Variants in KDM2B observed in about 807,000 individuals in gnomAD.
KDM2B encodes the protein lysine demethylase 2B.
In KDM2B, 26 loss-of-function variants were observed where a neutral mutation model predicts 150.0. The observed-to-expected ratio is 0.17, with a 90% CI of 0.13 to 0.24. KDM2B has a LOEUF of 0.24. Among genes scored for constraint, KDM2B ranks in the 10% least tolerant of loss-of-function variants. KDM2B has a pLI of 1.00. For synonymous variants in KDM2B, 734 were observed against 729.5 expected (o/e 1.01, Z -0.10); for missense variants, 1,265 against 1,816.9 (o/e 0.70, Z 5.52).
At chr12:121,546,569 T>TTTTG (rs1555310731) in intron 6 of KDM2B, among the ~76,000 whole-genome samples, 2 of 150,126 alleles carry the variant, frequency 1.3e-5, no homozygotes, top group Non-Finnish European at 3.0e-5. Context: ...GGTTTTTTTT[T>TTTTG]TTTGTTTGTT....
In KDM2B at chr12:121,513,299, T is replaced by C. The variant is rs201546499; in HGVS notation, c.1151A>G (p.Tyr384Cys). 1.4e-4 allele frequency: 221 copies of C among 1,613,564 alleles called. No individual in the cohort carries two copies. Among genetic ancestry groups the C allele is most frequent in the Non-Finnish European group, 1.7e-4 (200 of 1,179,880 alleles). The change falls in exon 10 of 23, where the codon TAC becomes TGC. Residue 384 changes from tyrosine to cysteine, a missense_variant. By Grantham distance (194) the Tyr-to-Cys change is radical (BLOSUM62 -2). This residue lies in a region of KDM2B where 154 missense variants were observed against 162.5 expected (regional missense o/e 0.95). Coordinates refer to ENST00000377071, the MANE Select transcript of KDM2B (RefSeq NM_032590.5). The surrounding 1 kb of genome is among the most constrained non-coding windows in gnomAD (Gnocchi z 5.0). ...VTQRSHLTQE[Y>C]QRESMLIDAP... ...ACCAATAAGCATCGACTCCCTCTGG[T>C]ATTCCTGAGTGAGGTGGGAGCGCTG...
At chr12:121,422,189 T>C in the KDM2B span, among the ~76,000 whole-genome samples, 1 of 152,360 alleles carries the variant, frequency 6.6e-6, no homozygotes, top group Admixed American at 6.5e-5. Context: ...ACAGCATGGT[T>C]TCCAGTGTCT....
chr12:121,505,457 A>C (rs1476147587), intron 11 of KDM2B, among the ~76,000 whole-genome samples: 1 of 152,118 alleles, frequency 6.6e-6, no homozygotes, highest in Non-Finnish European at 1.5e-5. Flanking sequence ...TGGGCAACAC[A>C]GCGAGACCTC....
Position 121,549,674 on chromosome 12 carries a change from G to A in KDM2B, c.398-36C>T, listed in dbSNP as rs143535443. ...AAGCCACACACTGGTTGTTCCTGCCGGCTTAAGGCTCCAGATCCTACATGG... is the reference window on the plus strand; with the variant it reads ...AAGCCACACACTGGTTGTTCCTGCCAGCTTAAGGCTCCAGATCCTACATGG... On this transcript the variant is annotated intron_variant, in intron 4 of 22. Coordinates refer to ENST00000377071, the MANE Select transcript of KDM2B (RefSeq NM_032590.5). This position sits in a 1 kb window ranked among gnomAD's most constrained non-coding sequence, Gnocchi z 4.4. The A allele has an allele frequency of 2.5e-3, 3,777 of 1,518,956 alleles. 6 individuals are homozygous for A. Among genetic ancestry groups the A allele is most frequent in the Non-Finnish European group, 3.0e-3 (3,398 of 1,124,722 alleles). 94.1% of individuals were successfully genotyped at this position (1,518,956 alleles called of 1,614,324 possible). A position where few individuals can be genotyped will look rare whatever the true frequency, so the allele number is the denominator to read the frequency against.
chr12:121,423,575 G>A, the KDM2B span: 11 of 1,612,084 alleles, frequency 6.8e-6, no homozygotes, highest in African/African-American at 4.0e-5. The surrounding 1 kb of genome is among the most constrained non-coding windows in gnomAD (Gnocchi z 4.3). Flanking sequence ...TTCAAGTCCT[G>A]AAACAGGCTC....
chr12:121,491,671 G>C (rs1883367937), intron 12 of KDM2B, among the ~76,000 whole-genome samples: 1 of 151,684 alleles, frequency 6.6e-6, no homozygotes. Flanking sequence ...GTACGCGCCT[G>C]TAATCCCAGC....
rs574056393 is a variant in KDM2B at position 121,442,710 on chromosome 12, G to T, written c.2731C>A (p.Arg911Ser). The change falls in exon 19 of 23, where the codon CGC becomes AGC. Residue 911 changes from arginine (R) to serine (S), a missense_variant. Transcript: ENST00000377071. The surrounding 1 kb of genome is among the most constrained non-coding windows in gnomAD (Gnocchi z 7.7). ...GGTCCCGCGGTGGGGGAGCTGGAGC[G>T]GGAGTGGTCGCTCTCCCTGGTCTTG... ...PPKTRESDHSRSSSPTAGPST... is the reference protein window; with the variant it reads ...PPKTRESDHSSSSSPTAGPST... 1 of 1,581,710 alleles carries T rather than the reference G, an allele frequency of 6.3e-7. No individual in the cohort carries two copies. The highest frequency in any genetic ancestry group is 8.6e-7 in the Non-Finnish European group (1 of 1,166,206).
chr12:121,555,404 G>A (rs536916392), intron 4 of KDM2B, among the ~76,000 whole-genome samples: 1 of 152,002 alleles, frequency 6.6e-6, no homozygotes, highest in African/African-American at 2.4e-5. Context: ...ACAGAGTCTC[G>A]CTCTGTCTCC....
intron 4 of KDM2B, among the ~76,000 whole-genome samples, chr12:121,555,308 T>C (rs1453730292): frequency 6.6e-6 from 1 of 152,236 alleles, no homozygotes; most frequent in East Asian, 1.9e-4. Context: ...CTTAAGACCC[T>C]GAAAATGTTA....
At chr12:121,482,653 A>C (rs1882288449) in intron 12 of KDM2B, among the ~76,000 whole-genome samples, 1 of 152,174 alleles carries the variant, frequency 6.6e-6, no homozygotes, top group Non-Finnish European at 1.5e-5. Flanking sequence ...GGACTGGGAC[A>C]CAGGAGTTAC....
In KDM2B at chr12:121,430,319, A is replaced by C. The variant is rs1453042015; in HGVS notation, c.3980T>G (p.Val1327Gly). The change falls in exon 23 of 23, where the codon GTA (valine) becomes GGA (glycine). Residue 1327 changes from valine to glycine, a missense_variant. Transcript: ENST00000377071. This position sits in a 1 kb window ranked among gnomAD's most constrained non-coding sequence, Gnocchi z 4.4. ...CAGTTTTTGCAGGAGTTTTTCTTCT[A>C]CTTGCCCAAACTGGACACTCACAGA... ...EMSVSVQFGQ[V>G]EEKLLQKLS The C allele has an allele frequency of 6.2e-7, 1 of 1,613,958 alleles. No individual in the cohort carries two copies. The highest frequency in any genetic ancestry group is 8.5e-7 in the Non-Finnish European group (1 of 1,180,024).
intron 4 of KDM2B, among the ~76,000 whole-genome samples, chr12:121,570,074 G>A (rs1890983784): frequency 6.6e-6 from 1 of 151,990 alleles, no homozygotes; most frequent in Admixed American, 6.6e-5. Context: ...GTTTGAGACA[G>A]AGTATTGCTC....
rs1872815945 is a variant in KDM2B at position 121,430,493 on chromosome 12, G to A, written c.3830-24C>T. 6.3e-7 allele frequency: 1 copy of A among 1,588,580 alleles called. No individual in the cohort carries two copies. The highest frequency in any genetic ancestry group is 8.6e-7 in the Non-Finnish European group (1 of 1,156,866). ...GTCTGCAGAGAAGAAATAGTAATGT[G>A]AGGTGTGAAGGCCAGGAGCCAGAAG... is the stretch of plus-strand genomic sequence containing the variant. On this transcript the variant is annotated intron_variant, in intron 22 of 22. Coordinates refer to ENST00000377071, the MANE Select transcript of KDM2B (RefSeq NM_032590.5). This position sits in a 1 kb window ranked among gnomAD's most constrained non-coding sequence, Gnocchi z 4.4.
chr12:121,539,285 G>A (rs1245789689), intron 6 of KDM2B, among the ~76,000 whole-genome samples: 10 of 127,044 alleles, frequency 7.9e-5, no homozygotes, highest in South Asian at 2.5e-4. Flanking sequence ...TCACGACTGC[G>A]CCACTGCACT....
chr12:121,441,039 A>T (rs1555288081), intron 20 of KDM2B, 31 bp downstream of exon 20: 1 of 1,613,294 alleles, frequency 6.2e-7, no homozygotes, highest in Non-Finnish European at 8.5e-7. Context: ...ACTGCAGCAG[A>T]CACACTCGGG....
intron 2 of KDM2B, among the ~76,000 whole-genome samples, chr12:121,577,659 C>T (rs76576383): frequency 0.015 from 2,243 of 152,292 alleles, 67 homozygotes; most frequent in African/African-American, 0.05. Context: ...AGGTTATCAG[C>T]TCACTGAGGG....
chr12:121,511,641 T>G (rs1337396448), intron 10 of KDM2B, among the ~76,000 whole-genome samples: 2 of 152,140 alleles, frequency 1.3e-5, no homozygotes, highest in African/African-American at 4.8e-5. Flanking sequence ...CTTTTTGCGG[T>G]GATGAAAATG....
rs369568551 is a variant in KDM2B, at chr12:121,439,875, T to C, written c.3811A>G (p.Thr1271Ala). ...GACTCACCAGACAGGTTGATCTCGG[T>C]TAAGGAGTCTCGGGTGGTGGTGCCA... ...AVGTTTRDSL[T>A]EINLSDCNKV... is the part of the protein sequence containing the mutation. The change falls in exon 22 of 23, where the codon ACC becomes GCC. Residue 1271 changes from threonine to alanine, a missense_variant. Coordinates refer to ENST00000377071, the MANE Select transcript of KDM2B (RefSeq NM_032590.5). The C allele has an allele frequency of 1.2e-6, 2 of 1,614,076 alleles. No homozygotes were observed. Among genetic ancestry groups the C allele is most frequent in the Non-Finnish European group, 1.7e-6 (2 of 1,179,982 alleles).
At chr12:121,413,438 GT>G in the KDM2B span, among the ~76,000 whole-genome samples, 1 of 105,750 alleles carries the variant, frequency 9.5e-6, no homozygotes, top group Non-Finnish European at 1.8e-5. Context: ...TTGAGACGGA[GT>G]TTTGCTCTTT....
Sources: gnomAD v4.1 joint callset for allele counts (sites outside exome capture counted in the v4.1 genomes callset) on GRCh38, gnomAD v4.1.1 for gene constraint, gnomAD v4.1.1 regional missense constraint, Gnocchi (gnomAD v3.1) non-coding constraint, MANE v1.5 for transcripts, NCBI Gene and HGNC (gene_info 2026-07-23, HGNC 2026-07-21) for gene names.